Variants in VIT observed in about 807,000 individuals in gnomAD.
VIT encodes vitrin.
VIT carries 99 observed loss-of-function variants against 78.0 expected under a neutral mutation model. That is an observed-to-expected ratio of 1.27 (90% CI 1.08 to 1.50). The LOEUF (loss-of-function observed/expected upper bound fraction) is 1.50, where lower values mean the gene tolerates loss of function less well. VIT is among the 40% of genes most tolerant of loss of function. The probability of loss-of-function intolerance (pLI) is 0.00; values close to 1 mark genes in which losing one functional copy is unlikely to be tolerated. For synonymous variants in VIT, 374 were observed against 334.3 expected (o/e 1.12, Z -1.29); for missense variants, 1,126 against 875.3 (o/e 1.29, Z -3.61).
At chr2:36,707,122 G>A (rs368395621) in intron 1 of VIT, among the ~76,000 whole-genome samples, 3 of 152,110 alleles carry the variant, frequency 2.0e-5, no homozygotes, top group East Asian at 1.9e-4. Context: ...CTGTATGGAC[G>A]GCCACTGCGA....
At chr2:36,720,477 C>A (rs1482676960) in intron 2 of VIT, among the ~76,000 whole-genome samples, 1 of 152,138 alleles carries the variant, frequency 6.6e-6, no homozygotes, top group Non-Finnish European at 1.5e-5. Flanking sequence ...TCACACTGTA[C>A]ATATACAATG....
intron 12 of VIT, among the ~76,000 whole-genome samples, chr2:36,797,372 C>T (rs552143492): frequency 7.8e-4 from 118 of 152,230 alleles, no homozygotes; most frequent in African/African-American, 2.8e-3. Flanking sequence ...TGGCAATATT[C>T]AGGAAAGAGA....
intron 2 of VIT, among the ~76,000 whole-genome samples, chr2:36,723,259 G>T (rs1397640831): frequency 2.6e-5 from 4 of 152,076 alleles, no homozygotes; most frequent in Non-Finnish European, 5.9e-5. Flanking sequence ...AGATCCATTA[G>T]AAATAATGCT....
intron 3 of VIT, 127 bp downstream of exon 3, chr2:36,729,618 A>C: frequency 4.4e-6 from 4 of 904,470 alleles, no homozygotes; most frequent in Non-Finnish European, 6.7e-6. Context: ...ATTTCCACTC[A>C]GATTAATTAG....
rs761598961 is a variant in VIT at position 36,814,199 on chromosome 2, G to A, written c.1920G>A (p.Ala640=). The stretch of plus-strand genomic sequence containing the variant: ...TCCCCACAGGAGTGATCACCTATGC[G>A]ATAGGCGTTGCCTGGGCTGCCCAAG... ...AAHLKGVITY[A]IGVAWAAQEE... The change falls in exon 16 of 16, where the codon GCG becomes GCA. Residue 640 remains alanine (A), a synonymous_variant. Coordinates refer to ENST00000379242, the MANE Select transcript of VIT (RefSeq NM_053276.4). 3.5e-5 allele frequency: 56 copies of A among 1,614,200 alleles called. No homozygotes were observed. The highest frequency in any genetic ancestry group is 1.6e-4 in the South Asian group (15 of 91,078).
chr2:36,783,936 T>C (rs112658462), intron 11 of VIT, among the ~76,000 whole-genome samples: 524 of 152,226 alleles, frequency 3.4e-3, no homozygotes, highest in African/African-American at 0.012. Context: ...TTTGATCTGG[T>C]AGAGAGAAGA....
chr2:36,722,976 TTA>T (rs377088181), intron 2 of VIT, among the ~76,000 whole-genome samples: 470 of 150,870 alleles, frequency 3.1e-3, no homozygotes, highest in Non-Finnish European at 6.0e-3. Flanking sequence ...ATTTTATAAA[TTA>T]TGTCTATATA....
intron 3 of VIT, among the ~76,000 whole-genome samples, chr2:36,730,968 G>A (rs1667166817): frequency 6.6e-6 from 1 of 152,202 alleles, no homozygotes; most frequent in African/African-American, 2.4e-5. Flanking sequence ...ATTAGGAAAA[G>A]GGTAGGTATA....
chr2:36,811,775 C>T (rs745609828), intron 15 of VIT, among the ~76,000 whole-genome samples: 7 of 151,154 alleles, frequency 4.6e-5, no homozygotes, highest in African/African-American at 9.7e-5. Flanking sequence ...TGGGTTCAGG[C>T]GATTCTCCTG....
intron 1 of VIT, among the ~76,000 whole-genome samples, chr2:36,699,613 G>T (rs55663436): frequency 0.11 from 14,864 of 131,170 alleles, 891 homozygotes; most frequent in East Asian, 0.18. Context: ...TATAGATATA[G>T]ATAGATATAT....
chr2:36,738,394 C>G (rs1399589940), intron 3 of VIT, among the ~76,000 whole-genome samples: 1 of 151,984 alleles, frequency 6.6e-6, no homozygotes, highest in African/African-American at 2.4e-5. Context: ...AGACTAATGC[C>G]TTTTAGGGTT....
At chr2:36,710,530 T>C (rs1218499976) in intron 1 of VIT, among the ~76,000 whole-genome samples, 1 of 152,218 alleles carries the variant, frequency 6.6e-6, no homozygotes, top group Non-Finnish European at 1.5e-5. Context: ...CTTTTACTTC[T>C]GCCCTTATGT....
chr2:36,759,178 C>A, intron 6 of VIT, 132 bp downstream of exon 6: 1 of 1,586,200 alleles, frequency 6.3e-7, no homozygotes, highest in Middle Eastern at 1.7e-4. Context: ...TTAACAGATG[C>A]CAGGAACATG....
intron 2 of VIT, among the ~76,000 whole-genome samples, chr2:36,727,689 A>T (rs1666937856): frequency 6.6e-6 from 1 of 152,232 alleles, no homozygotes; most frequent in South Asian, 2.1e-4. Context: ...ACTTCATAAC[A>T]ATGTCTCAGT....
chr2:36,722,020 T>A (rs1272376530), intron 2 of VIT, among the ~76,000 whole-genome samples: 1 of 152,252 alleles, frequency 6.6e-6, no homozygotes, highest in Non-Finnish European at 1.5e-5. Context: ...AATAAATATT[T>A]CTAAACAAAT....
At chr2:36,737,801 A>G (rs1667598574) in intron 3 of VIT, among the ~76,000 whole-genome samples, 1 of 152,170 alleles carries the variant, frequency 6.6e-6, no homozygotes, top group Non-Finnish European at 1.5e-5. Flanking sequence ...CTTGTAAGTA[A>G]TCCCCAGTGT....
At chr2:36,768,530 A>G (rs1395733085) in intron 7 of VIT, among the ~76,000 whole-genome samples, 2 of 152,222 alleles carry the variant, frequency 1.3e-5, no homozygotes, top group Non-Finnish European at 2.9e-5. Flanking sequence ...CTCCGTAACA[A>G]CCCTATGAAG....
intron 3 of VIT, among the ~76,000 whole-genome samples, chr2:36,731,422 C>T (rs566254062): frequency 7.2e-5 from 11 of 151,908 alleles, no homozygotes; most frequent in Non-Finnish European, 1.0e-4. Context: ...TACAGGCGCC[C>T]GCCACCACAC....
intron 12 of VIT, 86 bp from the exon 13 acceptor site, chr2:36,801,215 A>T: frequency 8.3e-7 from 1 of 1,201,678 alleles, no homozygotes; most frequent in Non-Finnish European, 1.2e-6. Flanking sequence ...TTCTATTTGT[A>T]TATAAAAGAA....
Sources: allele counts gnomAD v4.1 joint callset (sites outside exome capture counted in the v4.1 genomes callset), GRCh38; gene constraint gnomAD v4.1.1; transcripts MANE v1.5; gene names NCBI Gene and HGNC (gene_info 2026-07-23, HGNC 2026-07-21).